The following CHL1 variants were observed in gnomAD, a reference collection of about 807,000 sequenced individuals.
The protein encoded by CHL1 is cell adhesion molecule L1 like, also known as neural cell adhesion molecule L1-like protein.
Under a neutral mutation model 141.9 loss-of-function variants are expected in CHL1, and 96 were observed. The observed-to-expected ratio is 0.68, with a 90% CI of 0.57 to 0.80. The LOEUF (loss-of-function observed/expected upper bound fraction) is 0.80. CHL1 is among the 30% of genes least tolerant of loss of function. The pLI is 0.00. For missense variants in CHL1, 1,820 were observed against 1,457.2 expected, an observed-to-expected ratio of 1.25 and a Z score of -4.05; for synonymous variants, 613 against 502.2, an observed-to-expected ratio of 1.22 and a Z score of -2.95.
chr3:240,984 G>A (rs570543434), intron 1 of CHL1, among the ~76,000 whole-genome samples: 4 of 152,228 alleles, frequency 2.6e-5, no homozygotes, highest in African/African-American at 9.6e-5. Context: ...GTACCATGCT[G>A]TTTTGGTGAT....
intron 9 of CHL1, 83 bp downstream of exon 9, chr3:344,792 G>GATGTCTTATT: frequency 7.6e-7 from 1 of 1,320,578 alleles, no homozygotes; most frequent in African/African-American, 1.5e-5. Flanking sequence ...GACTGTGCTT[G>GATGTCTTATT]CAAAGATATT....
chr3:197,079 G>C lies in CHL1; in HGVS notation c.-175+16G>C, dbSNP rs929466800. 1 of 152,470 alleles carries C rather than the reference G, an allele frequency of 6.6e-6. No homozygotes were observed. Among genetic ancestry groups the C allele is most frequent in the African/African-American group, 2.4e-5 (1 of 41,438 alleles). 9.4% of individuals were successfully genotyped at this position (152,470 alleles called of 1,614,324 possible). A position where few individuals can be genotyped will look rare whatever the true frequency, so the allele number is the denominator to read the frequency against. On this transcript the variant is annotated intron_variant, in intron 1 of 27. Coordinates refer to ENST00000256509, the MANE Select transcript of CHL1 (RefSeq NM_006614.4). ...GGCGGCGCAGGTGTGTCAGGGGTGG[G>C]GGTCCGCTGGCATCTCTCGTGCCGG...
chr3:221,249 G>A (rs1345431100), intron 1 of CHL1, among the ~76,000 whole-genome samples: 1 of 152,178 alleles, frequency 6.6e-6, no homozygotes, highest in Non-Finnish European at 1.5e-5. Flanking sequence ...GCTGTGTCAT[G>A]GGCCATGGTC....
At chr3:370,887 A>G (rs1378992647) in intron 15 of CHL1, among the ~76,000 whole-genome samples, 1 of 152,088 alleles carries the variant, frequency 6.6e-6, no homozygotes, top group African/African-American at 2.4e-5. Flanking sequence ...GAGCAAGTTT[A>G]TCAATTTCCA....
chr3:300,152 AATTG>A (rs1471552863), intron 2 of CHL1, among the ~76,000 whole-genome samples: 1 of 152,230 alleles, frequency 6.6e-6, no homozygotes, highest in African/African-American at 2.4e-5. Flanking sequence ...AACATAGATC[AATTG>A]ATTGAAACTA....
intron 2 of CHL1, among the ~76,000 whole-genome samples, chr3:313,066 GC>G (rs1699881820): frequency 6.6e-6 from 1 of 151,728 alleles, no homozygotes; most frequent in Non-Finnish European, 1.5e-5. Context: ...AACGTAGCAT[GC>G]TTTTTTTTCC....
intron 2 of CHL1, among the ~76,000 whole-genome samples, chr3:245,784 G>T (rs992818631): frequency 3.2e-4 from 49 of 151,996 alleles, no homozygotes; most frequent in African/African-American, 1.1e-3. Context: ...ACCCCCAGCG[G>T]CCTTCTAAAT....
At position 345,508 on chromosome 3, in the gene CHL1, G is replaced by C. The variant is rs1702696734; in HGVS notation, c.848+799G>C. Among the ~76,000 whole-genome samples, 2 of 151,002 alleles carry C rather than the reference G, an allele frequency of 1.3e-5. 1 individual carries two copies. Among genetic ancestry groups the C allele is most frequent in the East Asian group, 3.9e-4 (2 of 5,148 alleles). ...TTCATTTATTTATTTTTTTGAGACA[G>C]GGTCTCACTCTGTCACCCATGCTGG... On this transcript the variant is annotated intron_variant, in intron 9 of 27. Transcript: ENST00000256509.
chr3:307,436 A>G (rs1699341179), intron 2 of CHL1, among the ~76,000 whole-genome samples: 1 of 152,230 alleles, frequency 6.6e-6, no homozygotes, highest in Non-Finnish European at 1.5e-5. Context: ...AAGCTTCACT[A>G]GAGGCAGATG....
At chr3:288,387 A>C (rs916678347) in intron 2 of CHL1, among the ~76,000 whole-genome samples, 4 of 152,034 alleles carry the variant, frequency 2.6e-5, no homozygotes, top group Admixed American at 2.0e-4. Context: ...ACAATGTACA[A>C]TATATCCAGA....
At chr3:351,498 C>T (rs776502296) in intron 10 of CHL1, among the ~76,000 whole-genome samples, 8 of 152,052 alleles carry the variant, frequency 5.3e-5, no homozygotes, top group Non-Finnish European at 1.2e-4. Context: ...TGTTAATCAT[C>T]TGGATGGATG....
chr3:333,981 G>A (rs1045977268), intron 5 of CHL1, among the ~76,000 whole-genome samples: 1 of 151,996 alleles, frequency 6.6e-6, no homozygotes, highest in Non-Finnish European at 1.5e-5. Context: ...TTTTGAGACA[G>A]GATCTTGCTC....
intron 2 of CHL1, among the ~76,000 whole-genome samples, chr3:285,942 A>G (rs1396964599): frequency 6.6e-6 from 1 of 152,138 alleles, no homozygotes; most frequent in Non-Finnish European, 1.5e-5. Flanking sequence ...AGTTTTCTGC[A>G]TTTTGTTTCT....
intron 2 of CHL1, among the ~76,000 whole-genome samples, chr3:315,386 G>A (rs1179831349): frequency 6.6e-6 from 1 of 152,104 alleles, no homozygotes; most frequent in Non-Finnish European, 1.5e-5. Flanking sequence ...GGCCACAGTA[G>A]CTTTGCACTT....
intron 2 of CHL1, among the ~76,000 whole-genome samples, chr3:259,860 C>T (rs564397652): frequency 5.9e-5 from 9 of 152,200 alleles, no homozygotes; most frequent in African/African-American, 1.4e-4. Context: ...TCATGGGGCC[C>T]GTTTAACTTA....
chr3:361,920 C>G (rs1704293182), intron 13 of CHL1, 110 bp downstream of exon 13: 1 of 741,012 alleles, frequency 1.3e-6, no homozygotes, highest in South Asian at 1.6e-5. Flanking sequence ...TTACATGTAC[C>G]CAGTACCTCT....
chr3:391,615 T>G (rs1470628511), intron 22 of CHL1, 60 bp from the exon 23 acceptor site: 3 of 1,234,730 alleles, frequency 2.4e-6, no homozygotes, highest in Non-Finnish European at 3.5e-6. Context: ...TATAATATAA[T>G]AAGGCTTTTT....
intron 19 of CHL1, among the ~76,000 whole-genome samples, chr3:388,198 TA>T (rs1707913510): frequency 6.6e-6 from 1 of 152,092 alleles, no homozygotes; most frequent in African/African-American, 2.4e-5. Context: ...GTTTTTAAAT[TA>T]AAGTGTTGCT....
At chr3:356,727 G>A (rs1253680013) in intron 11 of CHL1, among the ~76,000 whole-genome samples, 1 of 152,146 alleles carries the variant, frequency 6.6e-6, no homozygotes, top group East Asian at 1.9e-4. Context: ...GGTGTGTTGA[G>A]GAGGAGAAAA....
Sources: allele counts gnomAD v4.1 joint callset (sites outside exome capture counted in the v4.1 genomes callset), GRCh38; gene constraint gnomAD v4.1.1; transcripts MANE v1.5; gene names NCBI Gene and HGNC (gene_info 2026-07-23, HGNC 2026-07-21).